Variants in RHOU observed in about 807,000 individuals in gnomAD.
RHOU encodes rho-related GTP-binding protein RhoU.
A neutral mutation model predicts 12.6 loss-of-function variants in RHOU; 8 were observed. The ratio of observed to expected loss-of-function variants is 0.64; its 90% CI spans 0.37 to 1.15. The LOEUF (loss-of-function observed/expected upper bound fraction) is 1.15, where lower values mean the gene tolerates loss of function less well. Among genes scored for constraint, RHOU ranks in the 50% most tolerant of loss-of-function variants. The pLI, the probability that RHOU is intolerant of heterozygous loss-of-function variation, is 0.01. For synonymous variants in RHOU, 161 were observed against 147.4 expected, an observed-to-expected ratio of 1.09 and a Z score of -0.67; for missense variants, 258 against 347.0, an observed-to-expected ratio of 0.74 and a Z score of 2.04.
the RHOU span, among the ~76,000 whole-genome samples, chr1:228,681,075 T>C: frequency 3.3e-5 from 5 of 152,184 alleles, no homozygotes; most frequent in South Asian, 2.1e-4. Context: ...GGTTAAACTG[T>C]AGGACAGAGT....
chr1:228,715,798 A>G, the RHOU span, among the ~76,000 whole-genome samples: 2 of 147,274 alleles, frequency 1.4e-5, no homozygotes, highest in South Asian at 4.3e-4. Context: ...GTTTCTTGGC[A>G]TCTCTTGTGA....
chr1:228,682,239 G>C, the RHOU span, among the ~76,000 whole-genome samples: 2 of 152,214 alleles, frequency 1.3e-5, no homozygotes, highest in Non-Finnish European at 2.9e-5. Context: ...ATATTCCTTG[G>C]GCTGGTTGGT....
chr1:228,650,445 GC>G, the RHOU span: 2 of 456,788 alleles, frequency 4.4e-6, no homozygotes, highest in Middle Eastern at 3.3e-4. Context: ...GCTGCCAGAT[GC>G]CTCGGAGCAC....
At chr1:228,707,196 C>CATATATATATACATATATATATACAT in the RHOU span, among the ~76,000 whole-genome samples, 2 of 70,634 alleles carry the variant, frequency 2.8e-5, no homozygotes, top group African/African-American at 1.3e-4. Context: ...TATATATATA[C>CATATATATATACATATATATATACAT]ATATATATAC....
At chr1:228,684,543 A>G in the RHOU span, among the ~76,000 whole-genome samples, 1 of 152,072 alleles carries the variant, frequency 6.6e-6, no homozygotes, top group Non-Finnish European at 1.5e-5. Flanking sequence ...TGGCCAGGCT[A>G]GTTTTGAACT....
the RHOU span, among the ~76,000 whole-genome samples, chr1:228,724,931 C>T: frequency 6.6e-6 from 1 of 152,202 alleles, no homozygotes; most frequent in South Asian, 2.1e-4. Flanking sequence ...AGGCCTTCAA[C>T]ACAAATTGAT....
At chr1:228,650,845 G>C in the RHOU span, 10 of 404,396 alleles carry the variant, frequency 2.5e-5, no homozygotes, top group African/African-American at 1.9e-4. Context: ...TCACAGCCCA[G>C]CTGAATGTCC....
the RHOU span, among the ~76,000 whole-genome samples, chr1:228,726,275 A>C: frequency 1.2e-4 from 19 of 152,188 alleles, no homozygotes; most frequent in Admixed American, 1.1e-3. Flanking sequence ...CATGCTGCTA[A>C]AGCCTATCAG....
chr1:228,697,316 T>C, the RHOU span, among the ~76,000 whole-genome samples: 1 of 152,218 alleles, frequency 6.6e-6, no homozygotes, highest in South Asian at 2.1e-4. Flanking sequence ...ACAAACGCCC[T>C]GAATATTCAT....
chr1:228,678,154 A>G, the RHOU span, among the ~76,000 whole-genome samples: 1 of 152,182 alleles, frequency 6.6e-6, no homozygotes, highest in Admixed American at 6.5e-5. Context: ...TGGAACACTG[A>G]GAAGTGATTT....
the RHOU span, among the ~76,000 whole-genome samples, chr1:228,707,255 AGTGTGTGTGTG>A: frequency 7.4e-5 from 3 of 40,704 alleles, no homozygotes; most frequent in Admixed American, 3.0e-4. Flanking sequence ...ATATATATAT[AGTGTGTGTGTG>A]TGTGTGTGTG....
chr1:228,730,686 G>A (rs1221550952), upstream of RHOU, among the ~76,000 whole-genome samples: 1 of 152,184 alleles, frequency 6.6e-6, no homozygotes, highest in Non-Finnish European at 1.5e-5. Context: ...ATAGGGTATT[G>A]AAAAAACTAG....
At chr1:228,672,226 G>A in the RHOU span, among the ~76,000 whole-genome samples, 1 of 152,290 alleles carries the variant, frequency 6.6e-6, no homozygotes, top group East Asian at 1.9e-4. Flanking sequence ...GGAGTGCAAT[G>A]GTGCAACCTC....
chr1:228,655,039 T>C, the RHOU span, among the ~76,000 whole-genome samples: 1 of 152,172 alleles, frequency 6.6e-6, no homozygotes, highest in Admixed American at 6.5e-5. Flanking sequence ...GTTGATTGCA[T>C]TTAATCCTAG....
chr1:228,702,082 A>G, the RHOU span, among the ~76,000 whole-genome samples: 227 of 152,280 alleles, frequency 1.5e-3, no homozygotes, highest in African/African-American at 5.3e-3. Context: ...GAAAAATAAG[A>G]TGCCAAATTA....
At chr1:228,662,534 A>G in the RHOU span, among the ~76,000 whole-genome samples, 1 of 152,172 alleles carries the variant, frequency 6.6e-6, no homozygotes, top group Admixed American at 6.5e-5. Context: ...TTTTGCAGGG[A>G]CATGGATGAA....
the RHOU span, among the ~76,000 whole-genome samples, chr1:228,660,390 C>CA: frequency 6.6e-6 from 1 of 150,946 alleles, no homozygotes; most frequent in African/African-American, 2.4e-5. Context: ...ACTTTTCTAT[C>CA]AAATATTTAG....
the RHOU span, among the ~76,000 whole-genome samples, chr1:228,667,615 A>G: frequency 6.6e-6 from 1 of 152,102 alleles, no homozygotes; most frequent in Non-Finnish European, 1.5e-5. Context: ...TTATCCCTCC[A>G]TGTTGGACTT....
At chr1:228,720,726 G>A in the RHOU span, among the ~76,000 whole-genome samples, 1 of 152,184 alleles carries the variant, frequency 6.6e-6, no homozygotes, top group South Asian at 2.1e-4. Flanking sequence ...ACAGTGCTTT[G>A]TTACTGTGGC....
Sources: allele counts gnomAD v4.1 joint callset (sites outside exome capture counted in the v4.1 genomes callset), GRCh38; gene constraint gnomAD v4.1.1; transcripts MANE v1.5; gene names NCBI Gene and HGNC (gene_info 2026-07-23, HGNC 2026-07-21).